SPAG6: variants seen among roughly 807,000 people sequenced by gnomAD.
SPAG6 encodes the protein sperm associated antigen 6.
Under a neutral mutation model 58.5 loss-of-function variants are expected in SPAG6, and 49 were observed. The ratio of observed to expected loss-of-function variants is 0.84; its 90% confidence interval spans 0.67 to 1.06. The LOEUF is 1.06. Ranked by LOEUF, SPAG6 falls within the 50% of genes least tolerant of loss-of-function variation. SPAG6 has a pLI of 0.00. For missense variants in SPAG6, 560 were observed against 611.3 expected, an observed-to-expected ratio of 0.92 and a Z score of 0.89; for synonymous variants, 233 against 225.6, an observed-to-expected ratio of 1.03 and a Z score of -0.29.
intron 2 of SPAG6, chr10:22,360,716 C>T (rs1209304751): frequency 7.2e-6 from 7 of 974,688 alleles, no homozygotes; most frequent in Non-Finnish European, 1.0e-5. Context: ...ATGTTGGGTC[C>T]TTCAAGTGAG....
At chr10:22,405,096 A>G (rs912182422) in intron 9 of SPAG6, among the ~76,000 whole-genome samples, 1 of 152,196 alleles carries the variant, frequency 6.6e-6, no homozygotes, top group Non-Finnish European at 1.5e-5. Context: ...GGACAGTTTG[A>G]CTTCTTCTTT....
chr10:22,362,558 TAGTGAGA>T, intron 2 of SPAG6, among the ~76,000 whole-genome samples: 1 of 151,628 alleles, frequency 6.6e-6, no homozygotes, highest in East Asian at 1.9e-4. Flanking sequence ...CTGGGCAACA[TAGTGAGA>T]CCCCCATCTC....
intron 4 of SPAG6, among the ~76,000 whole-genome samples, chr10:22,384,444 C>T (rs1426559876): frequency 6.6e-6 from 1 of 152,096 alleles, no homozygotes; most frequent in Non-Finnish European, 1.5e-5. Context: ...AATGAAATAG[C>T]CTGTTGGATG....
intron 4 of SPAG6, among the ~76,000 whole-genome samples, chr10:22,371,176 G>A (rs1833677369): frequency 6.6e-6 from 1 of 152,138 alleles, no homozygotes; most frequent in Admixed American, 6.5e-5. Flanking sequence ...AGAAGGAAAG[G>A]GAATTGTTAC....
At chr10:22,397,237 T>A (rs1834315148) in intron 8 of SPAG6, among the ~76,000 whole-genome samples, 1 of 151,832 alleles carries the variant, frequency 6.6e-6, no homozygotes, top group Non-Finnish European at 1.5e-5. Context: ...CACACACAAA[T>A]CATAGAACTA....
chr10:22,374,644 T>C lies in SPAG6; in HGVS notation c.472+5966T>C, dbSNP rs1328483536. Among the ~76,000 whole-genome samples the C allele has an allele frequency of 1.0e-4, 15 of 147,344 alleles. 1 individual carries two copies. The highest frequency in any genetic ancestry group is 1.8e-4 in the Non-Finnish European group (12 of 67,086). Reference sequence around the variant, plus strand: ...AAAAAAAATTCACCAGATGTTGTGGTGTGCACCTGTGGTCTCAACTATTTG... The same window carrying C: ...AAAAAAAATTCACCAGATGTTGTGGCGTGCACCTGTGGTCTCAACTATTTG... On this transcript the variant is annotated intron_variant, in intron 4 of 10. Transcript: ENST00000376624.
At chr10:22,387,753 C>T (rs1834100976) in intron 5 of SPAG6, 70 bp from the exon 6 acceptor site, 2 of 1,439,300 alleles carry the variant, frequency 1.4e-6, no homozygotes, top group Non-Finnish European at 1.9e-6. Context: ...AAACTGTTTA[C>T]ATTACATCTG....
chr10:22,387,002 A>G (rs764277359), intron 5 of SPAG6, 43 bp downstream of exon 5: 3 of 1,433,642 alleles, frequency 2.1e-6, no homozygotes, highest in South Asian at 2.3e-5. Flanking sequence ...CCTTCTTATA[A>G]TGTAAGAAAA....
At chr10:22,407,696 T>C (rs1032294201) in intron 9 of SPAG6, among the ~76,000 whole-genome samples, 3 of 152,186 alleles carry the variant, frequency 2.0e-5, no homozygotes, top group Non-Finnish European at 2.9e-5. Flanking sequence ...CCTTGCTAGA[T>C]TGGGGAAGTT....
chr10:22,348,199 C>T (rs966340011), intron 2 of SPAG6, among the ~76,000 whole-genome samples: 3 of 152,160 alleles, frequency 2.0e-5, no homozygotes, highest in Admixed American at 2.0e-4. Context: ...GCATGTTGGC[C>T]AGGATGGTCT....
intron 4 of SPAG6, among the ~76,000 whole-genome samples, chr10:22,374,046 T>A (rs1195036239): frequency 6.6e-6 from 1 of 152,216 alleles, no homozygotes; most frequent in African/African-American, 2.4e-5. Context: ...AATGTTGTGA[T>A]TCTTTTGTGT....
intron 3 of SPAG6, 28 bp downstream of exon 3, chr10:22,365,047 G>GT (rs1358058903): frequency 7.9e-6 from 12 of 1,515,652 alleles, no homozygotes; most frequent in African/African-American, 2.8e-5. Flanking sequence ...CTAGTTATAT[G>GT]TTTTTTTGTT....
chr10:22,387,787 G>A (rs1160205504), intron 5 of SPAG6, 36 bp from the exon 6 acceptor site: 1 of 1,581,906 alleles, frequency 6.3e-7, no homozygotes, highest in South Asian at 1.2e-5. Context: ...ATGCTATATA[G>A]TGTTTTGTTG....
chr10:22,409,871 T>G (rs1256047307), intron 9 of SPAG6, among the ~76,000 whole-genome samples: 2 of 152,194 alleles, frequency 1.3e-5, no homozygotes, highest in Non-Finnish European at 2.9e-5. Flanking sequence ...TCCCTGATCC[T>G]AAGATCAAAA....
At chr10:22,384,651 CTAGGCCCACTT>C (rs1834028024) in intron 4 of SPAG6, among the ~76,000 whole-genome samples, 1 of 152,164 alleles carries the variant, frequency 6.6e-6, no homozygotes, top group African/African-American at 2.4e-5. Flanking sequence ...TACAAAATTG[CTAGGCCCACTT>C]TAGGTCCTTG....
At chr10:22,346,168 G>T in intron 2 of SPAG6, 1 of 1,189,250 alleles carries the variant, frequency 8.4e-7, no homozygotes, top group Non-Finnish European at 1.1e-6. Flanking sequence ...CCCTGCCTTT[G>T]ATCACCTTCG....
chr10:22,385,014 A>G (rs1406729135), intron 4 of SPAG6, among the ~76,000 whole-genome samples: 1 of 152,216 alleles, frequency 6.6e-6, no homozygotes, highest in Non-Finnish European at 1.5e-5. Context: ...CATCAAAACA[A>G]AATATTCAGC....
chr10:22,393,808 C>T (rs1158231837), intron 8 of SPAG6, among the ~76,000 whole-genome samples: 1 of 152,144 alleles, frequency 6.6e-6, no homozygotes, highest in Non-Finnish European at 1.5e-5. Flanking sequence ...GAATAAAAGT[C>T]CATTCAAGCC....
At chr10:22,406,754 A>G (rs531033630) in intron 9 of SPAG6, among the ~76,000 whole-genome samples, 1 of 152,180 alleles carries the variant, frequency 6.6e-6, no homozygotes, top group African/African-American at 2.4e-5. Context: ...GTCTCCCATT[A>G]TTATTGTGTG....
Sources: allele counts gnomAD v4.1 joint callset (sites outside exome capture counted in the v4.1 genomes callset), GRCh38; gene constraint gnomAD v4.1.1; transcripts MANE v1.5; gene names NCBI Gene and HGNC (gene_info 2026-07-23, HGNC 2026-07-21).